CCNT1: variants seen among roughly 807,000 people sequenced by gnomAD.
CCNT1 encodes the protein cyclin T1.
A neutral mutation model predicts 67.3 loss-of-function variants in CCNT1; 18 were observed. The ratio of observed to expected loss-of-function variants is 0.27; its 90% CI spans 0.18 to 0.40. CCNT1 has a LOEUF of 0.40. Ranked by LOEUF, CCNT1 falls within the 10% of genes least tolerant of loss-of-function variation. CCNT1 has a pLI of 1.00. For synonymous variants in CCNT1, 333 were observed against 310.3 expected (o/e 1.07, Z -0.77); for missense variants, 744 against 884.9 (o/e 0.84, Z 2.02).
Position 48,716,594 on chromosome 12 carries a change from C to A in CCNT1, c.82G>T (p.Gly28Cys). 2 of 1,614,216 alleles carry A rather than the reference C, an allele frequency of 1.2e-6. No individual in the cohort carries two copies. The highest frequency in any genetic ancestry group is 8.5e-7 in the Non-Finnish European group (1 of 1,180,016). ...GAAAGTTCTTTATCTGGGTCCACGC[C>A]AAAACGACGGGATGGGCTATTTTCC... ...QLENSPSRRF[G>C]VDPDKELSYR... The change falls in exon 1 of 9, where the codon GGC becomes TGC. Residue 28 changes from glycine to cysteine, a missense_variant. Physicochemically the swap from Gly to Cys is radical, Grantham distance 159. Coordinates refer to ENST00000261900, the MANE Select transcript of CCNT1 (RefSeq NM_001240.4).
chr12:48,699,523 T>G (rs961998856), intron 5 of CCNT1, among the ~76,000 whole-genome samples: 5 of 152,294 alleles, frequency 3.3e-5, no homozygotes, highest in Non-Finnish European at 7.4e-5. Flanking sequence ...AAATTTCTGT[T>G]AAATAACTTC....
rs1481973423 is a variant in CCNT1, at chr12:48,688,753, C to CA, written c.*4279dup. The CA allele has an allele frequency of 1.3e-5, 2 of 151,772 alleles. No homozygotes were observed. Among genetic ancestry groups the CA allele is most frequent in the Admixed American group, 6.6e-5 (1 of 15,238 alleles). 9.4% of individuals were successfully genotyped at this position (151,772 alleles called of 1,614,324 possible). A position where few individuals can be genotyped will look rare whatever the true frequency, so the allele number is the denominator to read the frequency against. On this transcript the variant is annotated 3_prime_UTR_variant, in exon 9 of 9. Coordinates refer to ENST00000261900, the MANE Select transcript of CCNT1 (RefSeq NM_001240.4). ...ACTCTTAAGAGCAATACAAAGAGAA[C>CA]AGACAAAAATCTCACCACAAAATTG...
At chr12:48,714,582 C>T (rs1940505463) in intron 1 of CCNT1, 58 bp from the exon 2 acceptor site, 1 of 983,102 alleles carries the variant, frequency 1.0e-6, no homozygotes, top group African/African-American at 1.6e-5. Flanking sequence ...AAAAGATAAC[C>T]TCTATCTCCC....
chr12:48,697,074 T>C (rs1940180728), intron 6 of CCNT1, among the ~76,000 whole-genome samples: 1 of 152,066 alleles, frequency 6.6e-6, no homozygotes, highest in Admixed American at 6.5e-5. Context: ...CCTCAAGTGA[T>C]CCACCAGCCT....
In CCNT1 at chr12:48,716,654, T is replaced by C. The variant is rs1034105324; in HGVS notation, c.22A>G (p.Asn8Asp). 5 of 1,614,086 alleles carry C rather than the reference T, an allele frequency of 3.1e-6. No homozygotes were observed. The highest frequency in any genetic ancestry group is 4.2e-6 in the Non-Finnish European group (5 of 1,180,014). Residue 8 changes from asparagine to aspartate, a missense_variant, in exon 1 of 9, where the codon AAC becomes GAC. Physicochemically the swap from Asn to Asp is conservative, Grantham distance 23. This residue lies in a region of CCNT1 where 38 missense variants were observed against 33.7 expected (regional missense o/e 1.13). Transcript: ENST00000261900. MEGERKN[N>D]NKRWYFTREQ... is the part of the protein sequence containing the mutation. Reference sequence around the variant, plus strand: ...CGAGTGAAATACCACCGTTTGTTGTTGTTCTTCCTCTCTCCCTCCATAGTG... The same window carrying C: ...CGAGTGAAATACCACCGTTTGTTGTCGTTCTTCCTCTCTCCCTCCATAGTG...
intron 1 of CCNT1, among the ~76,000 whole-genome samples, 166 bp downstream of exon 1, chr12:48,716,349 A>G (rs1213746411): frequency 6.6e-6 from 1 of 152,222 alleles, no homozygotes; most frequent in East Asian, 1.9e-4. Context: ...TCGCTTCCCT[A>G]GCGCTAACTG....
At position 48,693,523 on chromosome 12, in the gene CCNT1, G is replaced by A. The variant is rs752700019; in HGVS notation, c.1691C>T (p.Ser564Phe). The A allele has an allele frequency of 2.8e-4, 444 of 1,614,012 alleles. No homozygotes were observed. The highest frequency in any genetic ancestry group is 2.4e-4 in the Non-Finnish European group (289 of 1,180,018). Residue 564 changes from serine (S) to phenylalanine (F), a missense_variant, in exon 9 of 9, where the codon TCT (serine) becomes TTT (phenylalanine). Around this residue, in one of 3 missense-constraint regions of CCNT1, gnomAD observed 564 missense variants for 574.2 expected, o/e 0.98. Coordinates refer to ENST00000261900, the MANE Select transcript of CCNT1 (RefSeq NM_001240.4). ...ACGAGTAGAACTGGAAGAGGAAAAAGAACTAGACAAGCTATAGGTTTTATG... is the reference window on the plus strand; with the variant it reads ...ACGAGTAGAACTGGAAGAGGAAAAAAAACTAGACAAGCTATAGGTTTTATG... The part of the protein sequence containing the change: ...LAHKTYSLSS[S>F]FSSSSSTRKR...
chr12:48,693,133 C>T lies in CCNT1; in HGVS notation c.2081G>A (p.Arg694Gln), dbSNP rs763437613. 24 of 1,613,826 alleles carry T rather than the reference C, an allele frequency of 1.5e-5. No homozygotes were observed. Among genetic ancestry groups the T allele is most frequent in the Non-Finnish European group, 1.9e-5 (22 of 1,179,982 alleles). The part of the protein sequence containing the change: ...VRPYSDYLNP[R>Q]SGGISSRSGN... ...AGATCTCGAGGAGATTCCACCAGACCGAGGATTCAGATAGTCACTATAAGG... is the reference window on the plus strand; with the variant it reads ...AGATCTCGAGGAGATTCCACCAGACTGAGGATTCAGATAGTCACTATAAGG... The change falls in exon 9 of 9, where the codon CGG becomes CAG. Residue 694 changes from arginine (R) to glutamine (Q), a missense_variant. Transcript: ENST00000261900.
chr12:48,697,534 A>AAAATAT, intron 6 of CCNT1, among the ~76,000 whole-genome samples: 1 of 130,692 alleles, frequency 7.7e-6, no homozygotes, highest in East Asian at 2.1e-4. Context: ...AAAAAAAAAA[A>AAAATAT]ATATATATAT....
In CCNT1 at chr12:48,693,811, C is replaced by A; in HGVS notation, c.1403G>T (p.Gly468Val). ...TTTTGAAGACGCAGCTTTATCTCCA[C>A]CTGCCACTGGGATTCTCATTTTGAG... ...TALKMRIPVA[G>V]GDKAASSKPE... The change falls in exon 9 of 9, where the codon GGT becomes GTT. Residue 468 changes from glycine to valine, a missense_variant. Coordinates refer to ENST00000261900, the MANE Select transcript of CCNT1 (RefSeq NM_001240.4). The A allele has an allele frequency of 6.2e-7, 1 of 1,614,160 alleles. No individual in the cohort carries two copies. Among genetic ancestry groups the A allele is most frequent in the Non-Finnish European group, 8.5e-7 (1 of 1,180,038 alleles).
intron 3 of CCNT1, among the ~76,000 whole-genome samples, chr12:48,704,281 CGAGT>C (rs1249283848): frequency 2.0e-5 from 3 of 152,184 alleles, no homozygotes; most frequent in Non-Finnish European, 2.9e-5. Context: ...GCAGCAGGTA[CGAGT>C]GAGTGAAGCT....
chr12:48,714,590 C>T lies in CCNT1; in HGVS notation c.162-66G>A. The T allele has an allele frequency of 5.3e-6, 5 of 948,278 alleles. No homozygotes were observed. The East Asian group carries it at 9.9e-5, about 19-fold the overall frequency. 58.7% of individuals were successfully genotyped at this position (948,278 alleles called of 1,614,324 possible). A position where few individuals can be genotyped will look rare whatever the true frequency, so the allele number is the denominator to read the frequency against. ...ATTCTGGAAAAGATAACCTCTATCT[C>T]CCTCCCAAAAGGATGAAATGGCCAA... On this transcript the variant is annotated intron_variant, in intron 1 of 8. Transcript: ENST00000261900.
At position 48,692,361 on chromosome 12, in the gene CCNT1, C is replaced by T. The variant is rs1049882444; in HGVS notation, c.*672G>A. ...GAAGATAAAACATTATTTTTAAACA[C>T]ACACACTTAAAAACACACATACCCA... is the stretch of plus-strand genomic sequence containing the variant. On this transcript the variant is annotated 3_prime_UTR_variant, in exon 9 of 9. Coordinates refer to ENST00000261900, the MANE Select transcript of CCNT1 (RefSeq NM_001240.4). The T allele has an allele frequency of 7.2e-5, 11 of 152,016 alleles. No individual in the cohort carries two copies. Among genetic ancestry groups the T allele is most frequent in the African/African-American group, 2.7e-4 (11 of 41,370 alleles). 9.4% of individuals were successfully genotyped at this position (152,016 alleles called of 1,614,324 possible). A position where few individuals can be genotyped will look rare whatever the true frequency, so the allele number is the denominator to read the frequency against.
chr12:48,699,234 A>G (rs559167561), intron 5 of CCNT1, among the ~76,000 whole-genome samples: 68 of 152,318 alleles, frequency 4.5e-4, no homozygotes, highest in Non-Finnish European at 7.9e-4. Context: ...CAGGAAACAC[A>G]TATTAGTAAA....
Position 48,691,567 on chromosome 12 carries a change from CT to C in CCNT1, c.*1465del, listed in dbSNP as rs1226966858. The stretch of plus-strand genomic sequence containing the variant: ...CTGAAAGATTTATTAAAAATGTTCA[CT>C]CCTAATATCTGGGATAATCAAGCCT... On this transcript the variant is annotated 3_prime_UTR_variant, in exon 9 of 9. Coordinates refer to ENST00000261900, the MANE Select transcript of CCNT1 (RefSeq NM_001240.4). 2.0e-5 allele frequency: 3 copies of C among 152,188 alleles called. No individual in the cohort carries two copies. Among genetic ancestry groups the C allele is most frequent in the Admixed American group, 6.5e-5 (1 of 15,284 alleles). 9.4% of individuals were successfully genotyped at this position (152,188 alleles called of 1,614,324 possible).
rs749283185 is a variant in CCNT1 at position 48,689,942 on chromosome 12, T to C, written c.*3091A>G. The stretch of plus-strand genomic sequence containing the variant: ...TCAACACTGGTAAAGCCAATAATAC[T>C]GAACTATGTAGTATACACTAAATCA... On this transcript the variant is annotated 3_prime_UTR_variant, in exon 9 of 9. Coordinates refer to ENST00000261900, the MANE Select transcript of CCNT1 (RefSeq NM_001240.4). 2 of 152,236 alleles carry C rather than the reference T, an allele frequency of 1.3e-5. No individual in the cohort carries two copies. The highest frequency in any genetic ancestry group is 2.4e-5 in the African/African-American group (1 of 41,470). The allele number at this position is 152,236 out of a possible 1,614,324, so 9.4% of individuals were successfully genotyped here.
At position 48,696,015 on chromosome 12, in the gene CCNT1, G is replaced by C; in HGVS notation, c.690C>G (p.Thr230=). Residue 230 remains threonine, a synonymous_variant, in exon 7 of 9, where the codon ACC becomes ACG. Transcript: ENST00000261900. Reference sequence around the variant, plus strand: ...AAAACTTACCATCTAAAAGTTCCAAGGTCACAGTGGCGTCAACATACTCCC... The same window carrying C: ...AAAACTTACCATCTAAAAGTTCCAACGTCACAGTGGCGTCAACATACTCCC... ...HWWEYVDATV[T]LELLDELTHE... 3 of 1,614,048 alleles carry C rather than the reference G, an allele frequency of 1.9e-6. No individual in the cohort carries two copies. Among genetic ancestry groups the C allele is most frequent in the Non-Finnish European group, 2.5e-6 (3 of 1,180,002 alleles).
rs770765539 is a variant in CCNT1 at position 48,694,459 on chromosome 12, TCTTTA to T, written c.778-28_778-24del. The T allele has an allele frequency of 5.7e-6, 9 of 1,590,024 alleles. No homozygotes were observed. In the African/African-American group the frequency reaches 8.1e-5, roughly 14 times the overall value. ...TGCCTGCAATGAAGCAAATAGCATC[TCTTTA>T]CTTAGGTAATTTACTAAATAAAAAA... is the stretch of plus-strand genomic sequence containing the variant. On this transcript the variant is annotated intron_variant, in intron 8 of 8. Transcript: ENST00000261900.
At chr12:48,705,969 A>T in intron 2 of CCNT1, 73 bp from the exon 3 acceptor site, 1 of 1,408,266 alleles carries the variant, frequency 7.1e-7, no homozygotes, top group South Asian at 1.4e-5. Context: ...TCTAAAGAGG[A>T]GCTAAGTCTC....
Sources: allele counts gnomAD v4.1 joint callset (sites outside exome capture counted in the v4.1 genomes callset), GRCh38; gene constraint gnomAD v4.1.1; regional missense constraint gnomAD v4.1.1; transcripts MANE v1.5; gene names NCBI Gene and HGNC (gene_info 2026-07-23, HGNC 2026-07-21).